The following HIP1 variants were observed in gnomAD, a reference collection of about 807,000 sequenced individuals.
HIP1 encodes huntingtin-interacting protein 1.
In HIP1, 65 loss-of-function variants were observed where a neutral mutation model predicts 147.6. The observed-to-expected ratio is 0.44, with a 90% CI of 0.36 to 0.54. The LOEUF is 0.54. Among genes scored for constraint, HIP1 ranks in the 20% least tolerant of loss-of-function variants. The pLI is 0.00. For missense variants in HIP1, 1,061 were observed against 1,299.6 expected, an observed-to-expected ratio of 0.82 and a Z score of 2.82; for synonymous variants, 479 against 504.0, an observed-to-expected ratio of 0.95 and a Z score of 0.67.
chr7:75,585,715 C>T (rs1322464542), intron 5 of HIP1, among the ~76,000 whole-genome samples: 1 of 151,986 alleles, frequency 6.6e-6, no homozygotes, highest in African/African-American at 2.4e-5. Flanking sequence ...TATGTGCCCA[C>T]CCCTCTGCCT....
intron 29 of HIP1, among the ~76,000 whole-genome samples, chr7:75,541,593 G>A (rs1794318150): frequency 6.6e-6 from 1 of 151,944 alleles, no homozygotes; most frequent in African/African-American, 2.4e-5. Flanking sequence ...CTACTTGGGA[G>A]GTTGAAGTAG....
In HIP1 at chr7:75,693,711, C is replaced by T. The variant is rs535045605; in HGVS notation, c.120+45090G>A. Among the ~76,000 whole-genome samples the T allele has an allele frequency of 5.4e-5, 6 of 111,556 alleles. No homozygotes were observed. In the South Asian group the frequency reaches 1.8e-3, roughly 34 times the overall value. The allele number at this position is 111,556 out of a possible 152,430, so 73.2% of individuals were successfully genotyped here. On this transcript the variant is annotated intron_variant, in intron 1 of 30. Coordinates refer to ENST00000336926, the MANE Select transcript of HIP1 (RefSeq NM_005338.7). The stretch of plus-strand genomic sequence containing the variant: ...GCAACGTGGCAAAACCTCGTCTCTA[C>T]AAAAAATACAAAAATTAGCCAGGCA...
Position 75,561,340 on chromosome 7 carries a change from T to G in HIP1, c.1180A>C (p.Met394Leu). The part of the protein sequence containing the change: ...ISGLKAQLEN[M>L]KTESQRVVLQ... The stretch of plus-strand genomic sequence containing the variant: ...GATCCAAGTTATACCTCAGTCTTCA[T>G]GTTTTCTAGCTGTGCCTTCAATCCA... Residue 394 changes from methionine to leucine, a missense_variant, in exon 13 of 31, where the codon ATG (methionine) becomes CTG (leucine). This residue lies in a region of HIP1 where 810 missense variants were observed against 946.8 expected (regional missense o/e 0.86). Coordinates refer to ENST00000336926, the MANE Select transcript of HIP1 (RefSeq NM_005338.7). The G allele has an allele frequency of 1.2e-6, 2 of 1,610,656 alleles. No homozygotes were observed. Among genetic ancestry groups the G allele is most frequent in the Non-Finnish European group, 1.7e-6 (2 of 1,176,774 alleles).
intron 10 of HIP1, 28 bp downstream of exon 10, chr7:75,563,160 C>T (rs1275403881): frequency 6.2e-7 from 1 of 1,614,030 alleles, no homozygotes; most frequent in Non-Finnish European, 8.5e-7. Context: ...CTCTGCAGTG[C>T]CGAGGGTGTG....
Position 75,547,051 on chromosome 7 carries a change from G to T in HIP1, c.2466-19C>A. On this transcript the variant is annotated intron_variant, in intron 24 of 30. Coordinates refer to ENST00000336926, the MANE Select transcript of HIP1 (RefSeq NM_005338.7). The stretch of plus-strand genomic sequence containing the variant: ...AAGGATCCTGCCAAACAAACAAGTC[G>T]AGGATACACTGAGATCAAGATCCAA... 1.3e-6 allele frequency: 2 copies of T among 1,547,084 alleles called. No homozygotes were observed. Among genetic ancestry groups the T allele is most frequent in the Non-Finnish European group, 1.8e-6 (2 of 1,136,770 alleles).
At chr7:75,715,458 C>CAGAG (rs1164089551) in intron 1 of HIP1, among the ~76,000 whole-genome samples, 86 of 106,640 alleles carry the variant, frequency 8.1e-4, no homozygotes, top group East Asian at 2.9e-3. Context: ...GAGACACACA[C>CAGAG]AGAGAGAGAG....
intron 1 of HIP1, among the ~76,000 whole-genome samples, chr7:75,664,204 A>G (rs111211693): frequency 0.11 from 12,487 of 114,200 alleles, 1,207 homozygotes; most frequent in South Asian, 0.14. Flanking sequence ...ACACATATAC[A>G]TATGTATATA....
intron 1 of HIP1, among the ~76,000 whole-genome samples, chr7:75,682,526 C>T (rs1800123705): frequency 6.6e-6 from 1 of 151,590 alleles, no homozygotes; most frequent in Non-Finnish European, 1.5e-5. Flanking sequence ...TCCCAAAGTG[C>T]TGAGATGACG....
In HIP1 at chr7:75,663,997, CATATATGTGTATATAT is replaced by C. The variant is rs1584931627; in HGVS notation, c.121-64766_121-64751del. On this transcript the variant is annotated intron_variant, in intron 1 of 30. Coordinates refer to ENST00000336926, the MANE Select transcript of HIP1 (RefSeq NM_005338.7). The stretch of plus-strand genomic sequence containing the variant: ...ACACATATATGTGTATATATATACA[CATATATGTGTATATAT>C]ATACACATATATGTGTATATATATA... Among the ~76,000 whole-genome samples the C allele has an allele frequency of 1.7e-4, 5 of 29,112 alleles. 1 individual carries two copies. The African/African-American group carries it at 1.8e-3, about 10-fold the overall frequency. The allele number at this position is 29,112 out of a possible 152,430, so 19.1% of individuals were successfully genotyped here. A position where few individuals can be genotyped will look rare whatever the true frequency, so the allele number is the denominator to read the frequency against.
rs1554494732 is a variant in HIP1, at chr7:75,562,297, T to A, written c.1021-127A>T. 51 of 647,960 alleles carry A rather than the reference T, an allele frequency of 7.9e-5. 1 individual carries two copies. The South Asian group carries it at 8.4e-4, about 11-fold the overall frequency. 40.1% of individuals were successfully genotyped at this position (647,960 alleles called of 1,614,324 possible). On this transcript the variant is annotated intron_variant, in intron 11 of 30. Transcript: ENST00000336926. ...AACGGTTCAGACCTGTTTAATTTTT[T>A]TAATTTTTTTGAGACAGGTTCTCGC...
intron 1 of HIP1, among the ~76,000 whole-genome samples, chr7:75,646,438 T>C (rs940046540): frequency 8.5e-5 from 13 of 152,182 alleles, no homozygotes; most frequent in African/African-American, 3.1e-4. Flanking sequence ...GACCACAGGG[T>C]CTACAAGTGC....
intron 7 of HIP1, among the ~76,000 whole-genome samples, chr7:75,575,861 T>A (rs1795828748): frequency 6.6e-6 from 1 of 151,886 alleles, no homozygotes; most frequent in Admixed American, 6.6e-5. Context: ...GCACTGCCTG[T>A]ATTCCGCTTC....
At chr7:75,621,714 G>C (rs1021225866) in intron 1 of HIP1, among the ~76,000 whole-genome samples, 2 of 152,224 alleles carry the variant, frequency 1.3e-5, no homozygotes, top group Non-Finnish European at 2.9e-5. Context: ...TGGAGGCAGA[G>C]GAGGTGTCGA....
intron 1 of HIP1, among the ~76,000 whole-genome samples, chr7:75,716,217 G>A (rs953289879): frequency 2.0e-5 from 3 of 151,856 alleles, no homozygotes; most frequent in Non-Finnish European, 4.4e-5. Context: ...ACCAATCTAC[G>A]ATTCCTGACT....
In HIP1 at chr7:75,673,362, C is replaced by T. The variant is rs2705832; in HGVS notation, c.120+65439G>A. ...CAAGACTGTTTTGCTTATTTGGGAT[C>T]CCTTGCATTTCCATATGAATTTTGG... On this transcript the variant is annotated intron_variant, in intron 1 of 30. Transcript: ENST00000336926. Among the ~76,000 whole-genome samples, 1,351 of 152,050 alleles carry T rather than the reference C, an allele frequency of 8.9e-3. 23 individuals carry two copies. The highest frequency in any genetic ancestry group is 0.031 in the African/African-American group (1,288 of 41,496).
In HIP1 at chr7:75,670,800, TTG is replaced by T. The variant is rs1554515203; in HGVS notation, c.120+67999_120+68000del. 2.1e-4 allele frequency among the ~76,000 whole-genome samples: 32 copies of T among 148,920 alleles called. 1 individual carries two copies. The highest frequency in any genetic ancestry group is 6.5e-4 in the African/African-American group (26 of 40,126). Reference sequence around the variant, plus strand: ...GCTAATTAAAACTTTTTTTTTTTTTTTGGTAGAGATAGGGTCTTGCTATGTAT... The same window carrying T: ...GCTAATTAAAACTTTTTTTTTTTTTTGTAGAGATAGGGTCTTGCTATGTAT... On this transcript the variant is annotated intron_variant, in intron 1 of 30. Coordinates refer to ENST00000336926, the MANE Select transcript of HIP1 (RefSeq NM_005338.7).
chr7:75,629,606 A>G (rs76349284), intron 1 of HIP1, among the ~76,000 whole-genome samples: 1 of 150,678 alleles, frequency 6.6e-6, no homozygotes, highest in Non-Finnish European at 1.5e-5. Context: ...GCAGTGCTGC[A>G]ATCTTGGCTC....
In HIP1 at chr7:75,546,984, G is replaced by A. The variant is rs375428510; in HGVS notation, c.2514C>T (p.Ile838=). ...CTCTCTGGAGGTCCTTAGAGGCCAC[G>A]ATGAGCACCTGAATAGCTTGCATGA... ...TSLMQAIQVL[I]VASKDLQREI... The change falls in exon 25 of 31, where the codon ATC becomes ATT. Residue 838 remains isoleucine (I), a synonymous_variant. Coordinates refer to ENST00000336926, the MANE Select transcript of HIP1 (RefSeq NM_005338.7). 26 of 1,587,594 alleles carry A rather than the reference G, an allele frequency of 1.6e-5. No homozygotes were observed. Among genetic ancestry groups the A allele is most frequent in the East Asian group, 4.5e-5 (2 of 44,292 alleles).
At chr7:75,686,470 A>T (rs950220780) in intron 1 of HIP1, among the ~76,000 whole-genome samples, 1 of 152,134 alleles carries the variant, frequency 6.6e-6, no homozygotes, top group African/African-American at 2.4e-5. Context: ...CTCTAGCGTC[A>T]TGTATTGAAG....
Sources: gnomAD v4.1 joint callset for allele counts (sites outside exome capture counted in the v4.1 genomes callset) on GRCh38, gnomAD v4.1.1 for gene constraint, gnomAD v4.1.1 regional missense constraint, MANE v1.5 for transcripts, NCBI Gene and HGNC (gene_info 2026-07-23, HGNC 2026-07-21) for gene names.